SCARB2: variants seen among roughly 807,000 people sequenced by gnomAD.
SCARB2 encodes scavenger receptor class B member 2, also known as lysosome membrane protein 2.
A neutral mutation model predicts 58.6 loss-of-function variants in SCARB2; 29 were observed. The observed-to-expected ratio is 0.49, with a 90% confidence interval of 0.37 to 0.67. The LOEUF (loss-of-function observed/expected upper bound fraction) is 0.67, where lower values mean the gene tolerates loss of function less well. Ranked by LOEUF, SCARB2 falls within the 30% of genes least tolerant of loss-of-function variation. The pLI, the probability that SCARB2 is intolerant of heterozygous loss-of-function variation, is 0.00. For synonymous variants in SCARB2, 195 were observed against 210.1 expected, an observed-to-expected ratio of 0.93 and a Z score of 0.62; for missense variants, 488 against 578.5, an observed-to-expected ratio of 0.84 and a Z score of 1.60.
chr4:76,230,988 T>G (rs866461245), intron 1 of SCARB2, among the ~76,000 whole-genome samples: 1 of 152,230 alleles, frequency 6.6e-6, no homozygotes, highest in Admixed American at 6.5e-5. Context: ...TTAGATCCAG[T>G]TTTCTTTCCT....
intron 10 of SCARB2, chr4:76,163,975 G>A (rs1056842457): frequency 1.3e-5 from 2 of 159,556 alleles, no homozygotes; most frequent in African/African-American, 4.8e-5. Context: ...TATGTGGAAA[G>A]TATAATTTCT....
Position 76,160,366 on chromosome 4 carries a change from C to G in SCARB2, c.*1347G>C, listed in dbSNP as rs1045562557. The G allele has an allele frequency of 1.3e-5, 2 of 152,116 alleles. No individual in the cohort carries two copies. Among genetic ancestry groups the G allele is most frequent in the Non-Finnish European group, 2.9e-5 (2 of 68,018 alleles). 9.4% of individuals were successfully genotyped at this position (152,116 alleles called of 1,614,324 possible). A position where few individuals can be genotyped will look rare whatever the true frequency, so the allele number is the denominator to read the frequency against. On this transcript the variant is annotated 3_prime_UTR_variant, in exon 12 of 12. Coordinates refer to ENST00000264896, the MANE Select transcript of SCARB2 (RefSeq NM_005506.4). ...AAAATGAATGCTGAACTTTGAGAAT[C>G]AAAGAAAATGCCCTTAAATATGCTT... is the stretch of plus-strand genomic sequence containing the variant.
Position 76,159,875 on chromosome 4 carries a change from A to G in SCARB2, c.*1838T>C, listed in dbSNP as rs941694261. On this transcript the variant is annotated 3_prime_UTR_variant, in exon 12 of 12. Transcript: ENST00000264896. ...GATTATATCCTGATAATAGGACTAA[A>G]CCAATAAGTATGCACTAGCATTGTC... The G allele has an allele frequency of 1.3e-5, 2 of 152,238 alleles. No homozygotes were observed. The highest frequency in any genetic ancestry group is 4.8e-5 in the African/African-American group (2 of 41,464). The allele number at this position is 152,238 out of a possible 1,614,324, so 9.4% of individuals were successfully genotyped here.
chr4:76,196,189 C>A (rs1732709411), intron 1 of SCARB2, among the ~76,000 whole-genome samples: 1 of 152,164 alleles, frequency 6.6e-6, no homozygotes, highest in Admixed American at 6.5e-5. Context: ...CCCGTCTCTA[C>A]TAAAAATACA....
intron 1 of SCARB2, among the ~76,000 whole-genome samples, chr4:76,218,889 GCA>G (rs1733260916): frequency 6.6e-6 from 1 of 152,196 alleles, no homozygotes; most frequent in Non-Finnish European, 1.5e-5. Flanking sequence ...ACTTGTACAA[GCA>G]CTATGCTAGA....
At chr4:76,226,147 C>T (rs9992683) in intron 1 of SCARB2, among the ~76,000 whole-genome samples, 16,557 of 152,164 alleles carry the variant, frequency 0.11, 1,242 homozygotes, top group East Asian at 0.41. Flanking sequence ...AGAGTACATA[C>T]GGTGGGTCCA....
At chr4:76,221,023 C>T (rs1160922481) in intron 1 of SCARB2, among the ~76,000 whole-genome samples, 1 of 152,180 alleles carries the variant, frequency 6.6e-6, no homozygotes, top group Non-Finnish European at 1.5e-5. Context: ...CCCAAGGTCC[C>T]TCACTGATTC....
At chr4:76,182,129 C>A (rs1240503519) in intron 2 of SCARB2, among the ~76,000 whole-genome samples, 1 of 152,172 alleles carries the variant, frequency 6.6e-6, no homozygotes, top group Non-Finnish European at 1.5e-5. Context: ...CTCACACTAG[C>A]CCTAGCCCTA....
At position 76,213,707 on chromosome 4, in the gene SCARB2, G is replaced by A; in HGVS notation, c.-164C>T. 1.8e-6 allele frequency: 1 copy of A among 544,526 alleles called. No homozygotes were observed. Among genetic ancestry groups the A allele is most frequent in the Non-Finnish European group, 3.2e-6 (1 of 316,188 alleles). 33.7% of individuals were successfully genotyped at this position (544,526 alleles called of 1,614,324 possible). A position where few individuals can be genotyped will look rare whatever the true frequency, so the allele number is the denominator to read the frequency against. On this transcript the variant is annotated 5_prime_UTR_variant, in exon 1 of 12. Transcript: ENST00000264896. ...CGCGCAGCTCTGGGCTCCGCGGCCT[G>A]GCGAGCGCGGCCCCGGGTGCACCGG... is the stretch of plus-strand genomic sequence containing the variant.
chr4:76,210,112 TAAC>T (rs1375959611), intron 1 of SCARB2, among the ~76,000 whole-genome samples: 5 of 152,226 alleles, frequency 3.3e-5, no homozygotes, highest in African/African-American at 1.2e-4. Context: ...GCTAAAGACA[TAAC>T]AACTGTTAAC....
chr4:76,218,115 C>T (rs958120953), upstream of SCARB2, among the ~76,000 whole-genome samples: 1 of 152,204 alleles, frequency 6.6e-6, no homozygotes, highest in Non-Finnish European at 1.5e-5. Flanking sequence ...ATCACTTGAT[C>T]CCAGGAGTTT....
upstream of SCARB2, chr4:76,214,199 G>A (rs1733153893): frequency 2.2e-6 from 1 of 453,866 alleles, no homozygotes; most frequent in Non-Finnish European, 4.4e-6. Context: ...AGAGGCGCTC[G>A]CAAGTTAGCG....
At chr4:76,168,625 C>T (rs969338974) in intron 8 of SCARB2, 149 bp from the exon 9 acceptor site, 29 of 680,938 alleles carry the variant, frequency 4.3e-5, no homozygotes, top group Admixed American at 3.5e-4. Flanking sequence ...AAAAGTGATC[C>T]CCAGAACAGA....
chr4:76,163,429 G>A, intron 10 of SCARB2, 46 bp from the exon 11 acceptor site: 1 of 1,606,844 alleles, frequency 6.2e-7, no homozygotes, highest in Non-Finnish European at 8.5e-7. Context: ...AACATCCAGT[G>A]TGTAACTGTT....
intron 10 of SCARB2, chr4:76,165,531 T>C (rs1303175533): frequency 6.6e-6 from 1 of 152,178 alleles, no homozygotes; most frequent in African/African-American, 2.4e-5. Context: ...TGTAAAACAT[T>C]AGATTACCTT....
chr4:76,176,402 A>G (rs769537838), intron 5 of SCARB2, 35 bp downstream of exon 5: 1 of 1,481,974 alleles, frequency 6.7e-7, no homozygotes, highest in Non-Finnish European at 9.4e-7. Context: ...ATGAAAACTG[A>G]AAAAATAATT....
chr4:76,179,558 A>G lies in SCARB2; in HGVS notation c.571T>C (p.Phe191Leu). ...KDEILSLIHV[F>L]RPDISPYFGL... is the part of the protein sequence containing the mutation. ...AAATAGGGAGAGATATCGGGCCTGAAAACATGGATAAGGGACAAGATTTCA... is the reference window on the plus strand; with the variant it reads ...AAATAGGGAGAGATATCGGGCCTGAGAACATGGATAAGGGACAAGATTTCA... Residue 191 changes from phenylalanine (F) to leucine (L), a missense_variant, in exon 4 of 12, where the codon TTC (phenylalanine) becomes CTC (leucine). Phe to Leu is a conservative substitution (Grantham distance 22, BLOSUM62 0). Transcript: ENST00000264896. The G allele has an allele frequency of 1.2e-6, 2 of 1,614,198 alleles. No individual in the cohort carries two copies. The highest frequency in any genetic ancestry group is 1.7e-6 in the Non-Finnish European group (2 of 1,180,016).
chr4:76,221,856 C>T (rs1301209616), intron 1 of SCARB2, among the ~76,000 whole-genome samples: 1 of 152,198 alleles, frequency 6.6e-6, no homozygotes, highest in Non-Finnish European at 1.5e-5. Flanking sequence ...ACCTCAGCGA[C>T]ACCCAGTTTA....
At chr4:76,193,106 C>T (rs1578731460) in intron 2 of SCARB2, 1 of 152,426 alleles carries the variant, frequency 6.6e-6, no homozygotes, top group East Asian at 1.9e-4. Context: ...ACATCCCAGC[C>T]ACTCCAGCTC....
Sources: allele counts gnomAD v4.1 joint callset (sites outside exome capture counted in the v4.1 genomes callset), GRCh38; gene constraint gnomAD v4.1.1; transcripts MANE v1.5; gene names NCBI Gene and HGNC (gene_info 2026-07-23, HGNC 2026-07-21).